The following KCNB2 variants were observed in gnomAD, a reference collection of about 807,000 sequenced individuals.
KCNB2 encodes the protein potassium voltage-gated channel subfamily B member 2.
In KCNB2, 15 loss-of-function variants were observed where a neutral mutation model predicts 61.5. That is an observed-to-expected ratio of 0.24 (90% CI 0.16 to 0.38). The LOEUF is 0.38. Ranked by LOEUF, KCNB2 falls within the 10% of genes least tolerant of loss-of-function variation. The pLI, the probability that KCNB2 is intolerant of heterozygous loss-of-function variation, is 1.00. For synonymous variants in KCNB2, 457 were observed against 446.0 expected, an observed-to-expected ratio of 1.02 and a Z score of -0.31; for missense variants, 828 against 1,125.2, an observed-to-expected ratio of 0.74 and a Z score of 3.78.
intron 2 of KCNB2, among the ~76,000 whole-genome samples, chr8:72,833,245 TTCAGGAACTTTGATCAGCA>T (rs1470042932): frequency 3.3e-5 from 5 of 152,056 alleles, no homozygotes; most frequent in African/African-American, 1.2e-4. Flanking sequence ...AATAGGAAGC[TTCAGGAACTTTGATCAGCA>T]TGAAGAGATG....
intron 2 of KCNB2, among the ~76,000 whole-genome samples, chr8:72,821,644 A>C (rs942952694): frequency 5.2e-4 from 47 of 90,024 alleles, no homozygotes; most frequent in East Asian, 1.3e-3. Flanking sequence ...AAAAAAACAA[A>C]AAAAAAAAAA....
chr8:72,767,363 A>G (rs1189803056), intron 2 of KCNB2, among the ~76,000 whole-genome samples: 2 of 152,084 alleles, frequency 1.3e-5, no homozygotes, highest in Non-Finnish European at 2.9e-5. Flanking sequence ...GTAAGTTCAC[A>G]ACATTTTTGT....
chr8:72,598,812 CAGAG>C (rs1161587664), intron 2 of KCNB2, among the ~76,000 whole-genome samples: 2 of 152,114 alleles, frequency 1.3e-5, no homozygotes, highest in African/African-American at 4.8e-5. Flanking sequence ...CAATAAGAGA[CAGAG>C]AGCCAAATCA....
At chr8:72,649,576 C>A (rs1489251115) in intron 2 of KCNB2, among the ~76,000 whole-genome samples, 1 of 151,920 alleles carries the variant, frequency 6.6e-6, no homozygotes, top group Non-Finnish European at 1.5e-5. Context: ...CATGTGTATC[C>A]CCTGAATCTA....
chr8:72,805,242 A>C (rs1396751324), intron 2 of KCNB2, among the ~76,000 whole-genome samples: 3 of 152,206 alleles, frequency 2.0e-5, no homozygotes, highest in Non-Finnish European at 4.4e-5. Context: ...AAATAAAATA[A>C]ACTTCAGCAA....
At chr8:72,888,301 G>C (rs114065844) in intron 2 of KCNB2, among the ~76,000 whole-genome samples, 3,706 of 152,100 alleles carry the variant, frequency 0.024, 147 homozygotes, top group African/African-American at 0.081. Flanking sequence ...TATAGAGACA[G>C]GGTTTCACCA....
At chr8:72,758,991 A>C (rs1585876492) in intron 2 of KCNB2, among the ~76,000 whole-genome samples, 1 of 152,312 alleles carries the variant, frequency 6.6e-6, no homozygotes, top group South Asian at 2.1e-4. Flanking sequence ...TGAGGATAAA[A>C]TCATGCCAAT....
chr8:72,663,206 C>A (rs538381069), intron 2 of KCNB2, among the ~76,000 whole-genome samples: 1 of 151,956 alleles, frequency 6.6e-6, no homozygotes, highest in Non-Finnish European at 1.5e-5. Flanking sequence ...CTACGGTTTG[C>A]ACAACTAGTA....
chr8:72,675,194 A>G (rs1205863343), intron 2 of KCNB2, among the ~76,000 whole-genome samples: 3 of 152,232 alleles, frequency 2.0e-5, no homozygotes, highest in African/African-American at 7.2e-5. Context: ...AAAACTTAAT[A>G]AAAAGTGTTT....
intron 2 of KCNB2, among the ~76,000 whole-genome samples, chr8:72,622,971 T>C (rs1427960050): frequency 5.9e-5 from 9 of 152,146 alleles, no homozygotes; most frequent in African/African-American, 2.2e-4. Flanking sequence ...AGCTCAAATT[T>C]CTCTATCTGT....
chr8:72,936,309 G>A lies in KCNB2; in HGVS notation c.954G>A (p.Ser318=), dbSNP rs747892646. 4.3e-6 allele frequency: 7 copies of A among 1,614,228 alleles called. No homozygotes were observed. The highest frequency in any genetic ancestry group is 3.3e-5 in the South Asian group (3 of 91,082). The change falls in exon 3 of 3, where the codon TCG becomes TCA. Residue 318 remains serine (S), a synonymous_variant. Transcript: ENST00000523207. The surrounding 1 kb of genome is among the most constrained non-coding windows in gnomAD (Gnocchi z 5.6). ...ILRILKLARH[S]TGLQSLGFTL... is the part of the protein sequence containing the mutation. ...GGATCCTGAAACTCGCCAGGCATTC[G>A]ACAGGCCTGCAGTCTCTGGGTTTCA... is the stretch of plus-strand genomic sequence containing the variant.
intron 2 of KCNB2, among the ~76,000 whole-genome samples, chr8:72,795,777 A>T (rs1341552459): frequency 6.6e-6 from 1 of 152,192 alleles, no homozygotes; most frequent in Non-Finnish European, 1.5e-5. Flanking sequence ...AAAGCCAAAA[A>T]CATTTGTGCA....
At chr8:72,599,097 A>G (rs1807247176) in intron 2 of KCNB2, among the ~76,000 whole-genome samples, 1 of 152,192 alleles carries the variant, frequency 6.6e-6, no homozygotes, top group African/African-American at 2.4e-5. Context: ...GAAAAAAACT[A>G]CTTTAAAGTT....
chr8:72,603,758 C>T (rs190107239), intron 2 of KCNB2, among the ~76,000 whole-genome samples: 8 of 152,270 alleles, frequency 5.3e-5, no homozygotes, highest in East Asian at 3.9e-4. Context: ...TGAGATCACA[C>T]TGGAGTAGGG....
intron 2 of KCNB2, among the ~76,000 whole-genome samples, chr8:72,867,586 C>T (rs16938453): frequency 6.6e-6 from 1 of 152,088 alleles, no homozygotes; most frequent in Non-Finnish European, 1.5e-5. Flanking sequence ...GATCTATAGA[C>T]CTATGTAAAA....
intron 1 of KCNB2, among the ~76,000 whole-genome samples, chr8:72,555,664 T>G (rs1259856933): frequency 6.6e-6 from 1 of 151,930 alleles, no homozygotes; most frequent in Non-Finnish European, 1.5e-5. Flanking sequence ...GGCATTTCAT[T>G]TTGGTTTTAA....
chr8:72,619,713 T>A (rs1413120751), intron 2 of KCNB2, among the ~76,000 whole-genome samples: 1 of 152,178 alleles, frequency 6.6e-6, no homozygotes, highest in African/African-American at 2.4e-5. Flanking sequence ...TTTATCTAAA[T>A]CTTATCATCC....
intron 2 of KCNB2, among the ~76,000 whole-genome samples, chr8:72,668,249 A>G (rs1028342917): frequency 6.6e-6 from 1 of 152,128 alleles, no homozygotes; most frequent in East Asian, 1.9e-4. Flanking sequence ...TTTATTGGGG[A>G]TCAGCCACAC....
In KCNB2 at chr8:72,938,198, C is replaced by A; in HGVS notation, c.*107C>A. The A allele has an allele frequency of 1.2e-6, 1 of 832,186 alleles. No homozygotes were observed. Among genetic ancestry groups the A allele is most frequent in the Non-Finnish European group, 1.9e-6 (1 of 522,380 alleles). 51.6% of individuals were successfully genotyped at this position (832,186 alleles called of 1,614,324 possible). On this transcript the variant is annotated 3_prime_UTR_variant, in exon 3 of 3. Coordinates refer to ENST00000523207, the MANE Select transcript of KCNB2 (RefSeq NM_004770.3). The stretch of plus-strand genomic sequence containing the variant: ...AACTAAAAAAATGGGAAGCCCTCCC[C>A]AAAAAAAGTGCATAAAATGTTATTT...
Sources: allele counts gnomAD v4.1 joint callset (sites outside exome capture counted in the v4.1 genomes callset), GRCh38; gene constraint gnomAD v4.1.1; non-coding constraint Gnocchi (gnomAD v3.1); transcripts MANE v1.5; gene names NCBI Gene and HGNC (gene_info 2026-07-23, HGNC 2026-07-21).